The following DUOXA1 variants were observed in gnomAD, a reference collection of about 807,000 sequenced individuals.
The protein encoded by DUOXA1 is dual oxidase maturation factor 1.
DUOXA1 carries 19 observed loss-of-function variants against 26.6 expected under a neutral mutation model. That is an observed-to-expected ratio of 0.71 (90% confidence interval 0.50 to 1.05). The LOEUF (loss-of-function observed/expected upper bound fraction) is 1.05. DUOXA1 is among the 50% of genes least tolerant of loss of function. The pLI is 0.00. For missense variants in DUOXA1, 403 were observed against 427.5 expected (o/e 0.94, Z 0.51); for synonymous variants, 166 against 177.0 (o/e 0.94, Z 0.49).
rs149960164 is a variant in DUOXA1 at position 45,120,237 on chromosome 15, G to A, written c.638C>T (p.Thr213Met). Residue 213 changes from threonine (T) to methionine (M), a missense_variant, in exon 8 of 9, where the codon ACG (threonine) becomes ATG (methionine). Coordinates refer to ENST00000560572, the MANE Select transcript of DUOXA1 (RefSeq NM_001276266.2). Reference protein sequence around the residue: ...LVYGGYMLLATGIFQLLALLF... With the variant: ...LVYGGYMLLAMGIFQLLALLF... Reference sequence around the variant, plus strand: ...CAGAGCCAACAGCTGGAAGATGCCCGTGGCCAATAGCATGTAGCCACCATA... The same window carrying A: ...CAGAGCCAACAGCTGGAAGATGCCCATGGCCAATAGCATGTAGCCACCATA... 4,746 of 1,614,138 alleles carry A rather than the reference G, an allele frequency of 2.9e-3. 30 individuals carry two copies. The highest frequency in any genetic ancestry group is 8.3e-3 in the South Asian group (759 of 91,082).
rs1894755781 is a variant in DUOXA1 at position 45,117,748 on chromosome 15, G to GTGAGT, written c.*1353_*1357dup. ...GTGCCTCTTCCTCGGAGGGGCCGTG[G>GTGAGT]TGAGTCTCCAGTATGTTCGGCCCAG... On this transcript the variant is annotated 3_prime_UTR_variant, in exon 9 of 9. Coordinates refer to ENST00000560572, the MANE Select transcript of DUOXA1 (RefSeq NM_001276266.2). 1.2e-6 allele frequency: 2 copies of GTGAGT among 1,612,974 alleles called. No homozygotes were observed. Among genetic ancestry groups the GTGAGT allele is most frequent in the East Asian group, 4.5e-5 (2 of 44,864 alleles).
Position 45,120,709 on chromosome 15 carries a change from A to G in DUOXA1, c.437T>C (p.Leu146Pro), listed in dbSNP as rs1232705600. The stretch of plus-strand genomic sequence containing the variant: ...CACAGGGTCTGGCAGCCCCTTCTCC[A>G]GAGCCTTTGCATACTCCTCAGCATA... ...ENYAEEYAKA[L>P]EKGLPDPVLY... The change falls in exon 7 of 9, where the codon CTG becomes CCG. Residue 146 changes from leucine to proline, a missense_variant. Transcript: ENST00000560572. The G allele has an allele frequency of 6.2e-7, 1 of 1,614,102 alleles. No individual in the cohort carries two copies. Among genetic ancestry groups the G allele is most frequent in the Non-Finnish European group, 8.5e-7 (1 of 1,179,982 alleles).
chr15:45,122,801 A>C (rs962379394), intron 4 of DUOXA1, 67 bp downstream of exon 4: 14 of 1,510,206 alleles, frequency 9.3e-6, no homozygotes, highest in Non-Finnish European at 1.2e-5. Flanking sequence ...GTAGTCAGAG[A>C]CTCTGAACCC....
At chr15:45,123,970 A>G (rs1483821740) in intron 3 of DUOXA1, among the ~76,000 whole-genome samples, 1 of 152,250 alleles carries the variant, frequency 6.6e-6, no homozygotes, top group African/African-American at 2.4e-5. Flanking sequence ...TAAAGGGGAA[A>G]AAAAGTCTTG....
At position 45,117,667 on chromosome 15, in the gene DUOXA1, T is replaced by C. The variant is rs1472712500; in HGVS notation, c.*1439A>G. Reference sequence around the variant, plus strand: ...GAGTTCGAGACCAGCCTGGGCAACATAGCCCTGACTCCACATGCCCTCCTT... The same window carrying C: ...GAGTTCGAGACCAGCCTGGGCAACACAGCCCTGACTCCACATGCCCTCCTT... On this transcript the variant is annotated 3_prime_UTR_variant, in exon 9 of 9. Transcript: ENST00000560572. 1.2e-6 allele frequency: 2 copies of C among 1,613,764 alleles called. No homozygotes were observed. Among genetic ancestry groups the C allele is most frequent in the South Asian group, 1.1e-5 (1 of 91,074 alleles).
Position 45,119,342 on chromosome 15 carries a change from G to A in DUOXA1, c.796C>T (p.Leu266=), listed in dbSNP as rs1250456449. ...ATCCTGTGGGCCACCGCCATAGCCA[G>A]GCCCAGCAGCACACACAGCAGTCCT... ...TTGLLCVLLG[L]AMAVAHRMQP... The change falls in exon 9 of 9, where the codon CTG becomes TTG. Residue 266 remains leucine (L), a synonymous_variant. Coordinates refer to ENST00000560572, the MANE Select transcript of DUOXA1 (RefSeq NM_001276266.2). 2 of 1,612,966 alleles carry A rather than the reference G, an allele frequency of 1.2e-6. No individual in the cohort carries two copies. The highest frequency in any genetic ancestry group is 2.7e-5 in the African/African-American group (2 of 74,932).
chr15:45,117,626 A>G lies in DUOXA1; in HGVS notation c.*1480T>C, dbSNP rs763424825. 1 of 1,613,778 alleles carries G rather than the reference A, an allele frequency of 6.2e-7. No individual in the cohort carries two copies. The highest frequency in any genetic ancestry group is 8.5e-7 in the Non-Finnish European group (1 of 1,179,858). On this transcript the variant is annotated 3_prime_UTR_variant, in exon 9 of 9. Transcript: ENST00000560572. ...AGCACTTTGGGAGGTCGAGGCAGGA[A>G]GGTCGTTTGAGGCCAGAGTTCGAGA...
In DUOXA1 at chr15:45,118,530, G is replaced by A. The variant is rs1266558647; in HGVS notation, c.*576C>T. The A allele has an allele frequency of 3.0e-6, 3 of 993,402 alleles. No individual in the cohort carries two copies. Among genetic ancestry groups the A allele is most frequent in the African/African-American group, 3.5e-5 (2 of 57,474 alleles). The allele number at this position is 993,402 out of a possible 1,614,324, so 61.5% of individuals were successfully genotyped here. ...TTCTTGGCAAGTCTTGCAATCTTAT[G>A]TAGCAAATTTGGGAACTGAAGCTCA... On this transcript the variant is annotated 3_prime_UTR_variant, in exon 9 of 9. Coordinates refer to ENST00000560572, the MANE Select transcript of DUOXA1 (RefSeq NM_001276266.2).
intron 3 of DUOXA1, among the ~76,000 whole-genome samples, chr15:45,127,032 G>A (rs1225608256): frequency 6.6e-6 from 1 of 152,212 alleles, no homozygotes; most frequent in East Asian, 1.9e-4. Flanking sequence ...TATAAAATAT[G>A]TGATAGTGGT....
At chr15:45,120,423 G>A in intron 7 of DUOXA1, 103 bp from the exon 8 acceptor site, 1 of 1,493,482 alleles carries the variant, frequency 6.7e-7, no homozygotes, top group Non-Finnish European at 9.3e-7. Flanking sequence ...GTGACCCAAA[G>A]ATATGAGGTA....
At chr15:45,124,247 G>T (rs1020013207) in intron 3 of DUOXA1, among the ~76,000 whole-genome samples, 1 of 152,198 alleles carries the variant, frequency 6.6e-6, no homozygotes, top group Non-Finnish European at 1.5e-5. Context: ...CCTCTTGCAA[G>T]TTACTTGACC....
Position 45,120,079 on chromosome 15 carries a change from C to T in DUOXA1, c.772+24G>A, listed in dbSNP as rs192944506. 2,412 of 1,613,110 alleles carry T rather than the reference C, an allele frequency of 1.5e-3. 59 individuals carry two copies. The South Asian group carries it at 0.025, about 17-fold the overall frequency. Reference sequence around the variant, plus strand: ...CTCCCTGGCCTTGAGACTTCTAGTGCTTGTCTTTAGGGCTGGGTCTTACCT... The same window carrying T: ...CTCCCTGGCCTTGAGACTTCTAGTGTTTGTCTTTAGGGCTGGGTCTTACCT... On this transcript the variant is annotated intron_variant, in intron 8 of 8. Transcript: ENST00000560572.
chr15:45,118,372 T>C lies in DUOXA1; in HGVS notation c.*734A>G, dbSNP rs1894830601. On this transcript the variant is annotated 3_prime_UTR_variant, in exon 9 of 9. Coordinates refer to ENST00000560572, the MANE Select transcript of DUOXA1 (RefSeq NM_001276266.2). ...TCCCCCGTCCTGGATGCCACTCAGC[T>C]AGCCCAGCTGAGTGGGGTGGGAAGG... 1 of 1,114,348 alleles carries C rather than the reference T, an allele frequency of 9.0e-7. No homozygotes were observed. The highest frequency in any genetic ancestry group is 1.1e-6 in the Non-Finnish European group (1 of 911,458). The allele number at this position is 1,114,348 out of a possible 1,614,324, so 69.0% of individuals were successfully genotyped here. A position where few individuals can be genotyped will look rare whatever the true frequency, so the allele number is the denominator to read the frequency against.
In DUOXA1 at chr15:45,117,525, G is replaced by A. The variant is rs763486838; in HGVS notation, c.*1581C>T. ...CGTGTTTCATGTAATTCAGATTAGA[G>A]GTGTGTGGCGGGAGGTAACACAAGG... On this transcript the variant is annotated 3_prime_UTR_variant, in exon 9 of 9. Coordinates refer to ENST00000560572, the MANE Select transcript of DUOXA1 (RefSeq NM_001276266.2). 1 of 1,557,334 alleles carries A rather than the reference G, an allele frequency of 6.4e-7. No individual in the cohort carries two copies. Among genetic ancestry groups the A allele is most frequent in the Non-Finnish European group, 8.7e-7 (1 of 1,149,726 alleles).
intron 3 of DUOXA1, among the ~76,000 whole-genome samples, chr15:45,127,389 G>T (rs903774448): frequency 1.3e-5 from 2 of 152,038 alleles, no homozygotes; most frequent in African/African-American, 4.8e-5. Flanking sequence ...CTAACAAAAG[G>T]CTTTTCGTAT....
intron 5 of DUOXA1, 44 bp from the exon 6 acceptor site, chr15:45,121,265 G>A: frequency 6.2e-7 from 1 of 1,613,628 alleles, no homozygotes; most frequent in Non-Finnish European, 8.5e-7. Flanking sequence ...GAGATGACTG[G>A]GCATTACTAG....
chr15:45,117,647 C>A lies in DUOXA1; in HGVS notation c.*1459G>T. On this transcript the variant is annotated 3_prime_UTR_variant, in exon 9 of 9. Transcript: ENST00000560572. Reference sequence around the variant, plus strand: ...AGGAAGGTCGTTTGAGGCCAGAGTTCGAGACCAGCCTGGGCAACATAGCCC... The same window carrying A: ...AGGAAGGTCGTTTGAGGCCAGAGTTAGAGACCAGCCTGGGCAACATAGCCC... 6.2e-7 allele frequency: 1 copy of A among 1,613,794 alleles called. No individual in the cohort carries two copies. The highest frequency in any genetic ancestry group is 8.5e-7 in the Non-Finnish European group (1 of 1,179,890).
chr15:45,119,984 G>A, intron 8 of DUOXA1, 119 bp downstream of exon 8: 4 of 1,164,860 alleles, frequency 3.4e-6, no homozygotes, highest in Non-Finnish European at 5.0e-6. Flanking sequence ...GGACTTTAAA[G>A]AGGGCAAAGC....
At chr15:45,123,846 C>T (rs985837932) in intron 3 of DUOXA1, among the ~76,000 whole-genome samples, 1 of 152,182 alleles carries the variant, frequency 6.6e-6, no homozygotes, top group African/African-American at 2.4e-5. Context: ...ACTTGTTTGA[C>T]TCTTATTTGT....
Sources: allele counts gnomAD v4.1 joint callset (sites outside exome capture counted in the v4.1 genomes callset), GRCh38; gene constraint gnomAD v4.1.1; transcripts MANE v1.5; gene names NCBI Gene and HGNC (gene_info 2026-07-23, HGNC 2026-07-21).